The following TRMT61A variants were observed in gnomAD, a reference collection of about 807,000 sequenced individuals.
TRMT61A encodes tRNA (adenine(58)-N(1))-methyltransferase catalytic subunit TRMT61A.
Under a neutral mutation model 21.3 loss-of-function variants are expected in TRMT61A, and 15 were observed. The ratio of observed to expected loss-of-function variants is 0.70; its 90% CI spans 0.47 to 1.08. The LOEUF is 1.08. Ranked by LOEUF, TRMT61A falls within the 50% of genes least tolerant of loss-of-function variation. The pLI is 0.00. For synonymous variants in TRMT61A, 183 were observed against 185.5 expected (o/e 0.99, Z 0.11); for missense variants, 352 against 426.7 (o/e 0.83, Z 1.54).
At position 103,536,757 on chromosome 14, in the gene TRMT61A, C is replaced by T. The variant is rs2296484; in HGVS notation, c.*1936C>T. 42,189 of 152,168 alleles carry T rather than the reference C, an allele frequency of 0.28. 6,707 individuals are homozygous for T. The highest frequency in any genetic ancestry group is 0.45 in the Middle Eastern group (131 of 294). 9.4% of individuals were successfully genotyped at this position (152,168 alleles called of 1,614,324 possible). A position where few individuals can be genotyped will look rare whatever the true frequency, so the allele number is the denominator to read the frequency against. ...TATAGGACACATAGGCCTCAGGCAC[C>T]GTAGGGTCCAGGTTGTGCCCATTTT... On this transcript the variant is annotated 3_prime_UTR_variant, in exon 4 of 4. Transcript: ENST00000389749.
intron 2 of TRMT61A, 57 bp downstream of exon 2, chr14:103,530,366 A>T: frequency 7.6e-6 from 11 of 1,440,602 alleles, no homozygotes; most frequent in Non-Finnish European, 1.0e-5. Context: ...GGTGGAGGTC[A>T]GAGCCTCCAG....
At position 103,532,564 on chromosome 14, in the gene TRMT61A, C is replaced by G; in HGVS notation, c.332-18C>G. The G allele has an allele frequency of 6.2e-7, 1 of 1,613,100 alleles. No homozygotes were observed. On this transcript the variant is annotated intron_variant, in intron 2 of 3. Transcript: ENST00000389749. Reference sequence around the variant, plus strand: ...CAGTCCCAACTGATGCCTTGCCCATCCCTTCTTGTCCTGCCAGGCACCGGC... The same window carrying G: ...CAGTCCCAACTGATGCCTTGCCCATGCCTTCTTGTCCTGCCAGGCACCGGC...
intron 2 of TRMT61A, among the ~76,000 whole-genome samples, chr14:103,532,106 C>T (rs2075956576): frequency 6.6e-6 from 1 of 151,962 alleles, no homozygotes; most frequent in South Asian, 2.1e-4. Flanking sequence ...GACCAAGGAG[C>T]TTCTGGGGAG....
At chr14:103,532,496 G>C (rs2075957979) in intron 2 of TRMT61A, 86 bp from the exon 3 acceptor site, 1 of 1,545,976 alleles carries the variant, frequency 6.5e-7, no homozygotes, top group South Asian at 1.1e-5. Flanking sequence ...TGGGTCTCCA[G>C]GGTGAGGTGG....
In TRMT61A at chr14:103,534,708, G is replaced by C; in HGVS notation, c.757G>C (p.Gly253Arg). 1 of 1,606,988 alleles carries C rather than the reference G, an allele frequency of 6.2e-7. No homozygotes were observed. The change falls in exon 4 of 4, where the codon GGC becomes CGC. Residue 253 changes from glycine to arginine, a missense_variant. Physicochemically the swap from Gly to Arg is moderately radical, Grantham distance 125. Coordinates refer to ENST00000389749, the MANE Select transcript of TRMT61A (RefSeq NM_152307.3). ...VSLPPPDLGT[G>R]TDGPAGSDTS... ...CCTGCCACCGCCCGACCTGGGCACAGGCACAGATGGCCCTGCCGGCTCCGA... is the reference window on the plus strand; with the variant it reads ...CCTGCCACCGCCCGACCTGGGCACACGCACAGATGGCCCTGCCGGCTCCGA...
In TRMT61A at chr14:103,534,606, G is replaced by A. The variant is rs778750446; in HGVS notation, c.655G>A (p.Ala219Thr). Reference protein sequence around the residue: ...CIEQVQRTCQALAARGFSELS... With the variant: ...CIEQVQRTCQTLAARGFSELS... Reference sequence around the variant, plus strand: ...CGAGCAGGTGCAACGCACATGCCAGGCGCTGGCAGCGCGCGGCTTCTCAGA... The same window carrying A: ...CGAGCAGGTGCAACGCACATGCCAGACGCTGGCAGCGCGCGGCTTCTCAGA... Residue 219 changes from alanine (A) to threonine (T), a missense_variant, in exon 4 of 4, where the codon GCG becomes ACG. Coordinates refer to ENST00000389749, the MANE Select transcript of TRMT61A (RefSeq NM_152307.3). 6.9e-6 allele frequency: 11 copies of A among 1,603,520 alleles called. No homozygotes were observed. The highest frequency in any genetic ancestry group is 9.4e-6 in the Non-Finnish European group (11 of 1,173,632).
chr14:103,530,194 G>C lies in TRMT61A; in HGVS notation c.216G>C (p.Thr72=). 1 of 1,612,378 alleles carries C rather than the reference G, an allele frequency of 6.2e-7. No homozygotes were observed. ...RGGWVYVLHP[T]PELWTLNLPH... is the part of the protein sequence containing the mutation. ...GCTGGGTGTATGTGCTGCACCCCAC[G>C]CCCGAGCTCTGGACGCTGAACCTGC... The change falls in exon 2 of 4, where the codon ACG becomes ACC. Residue 72 remains threonine (T), a synonymous_variant. Coordinates refer to ENST00000389749, the MANE Select transcript of TRMT61A (RefSeq NM_152307.3).
At position 103,535,349 on chromosome 14, in the gene TRMT61A, G is replaced by A. The variant is rs1256433889; in HGVS notation, c.*528G>A. ...CAGAATCCCTGCCCTGCTCTCCCCA[G>A]CGCTAGGAGACCAGGCCAGCCCAGG... On this transcript the variant is annotated 3_prime_UTR_variant, in exon 4 of 4. Transcript: ENST00000389749. The A allele has an allele frequency of 4.4e-6, 2 of 456,544 alleles. No individual in the cohort carries two copies. Among genetic ancestry groups the A allele is most frequent in the Admixed American group, 2.4e-5 (1 of 42,518 alleles). The allele number at this position is 456,544 out of a possible 1,614,324, so 28.3% of individuals were successfully genotyped here. A position where few individuals can be genotyped will look rare whatever the true frequency, so the allele number is the denominator to read the frequency against.
rs1015959998 is a variant in TRMT61A at position 103,530,046 on chromosome 14, G to T, written c.68G>T (p.Gly23Val). The change falls in exon 2 of 4, where the codon GGT (glycine) becomes GTT (valine). Residue 23 changes from glycine to valine, a missense_variant. Physicochemically the swap from Gly to Val is moderately radical, Grantham distance 109. Coordinates refer to ENST00000389749, the MANE Select transcript of TRMT61A (RefSeq NM_152307.3). ...ACGGCCATCCTGTCACTGGGCCATG[G>T]TGCAATGGTGGCGGTGCGTGTGCAG... ...GDTAILSLGH[G>V]AMVAVRVQRG... is the part of the protein sequence containing the mutation. 6.2e-7 allele frequency: 1 copy of T among 1,612,940 alleles called. No homozygotes were observed. The highest frequency in any genetic ancestry group is 1.3e-5 in the African/African-American group (1 of 74,958).
chr14:103,534,820 A>AG lies in TRMT61A; in HGVS notation c.*4dup. ...ACCTTCGCCACCAAGACCCCAGGCTAGGGGGCCGCCTCCCAGGGCACCAGG... is the reference window on the plus strand; with the variant it reads ...ACCTTCGCCACCAAGACCCCAGGCTAGGGGGGCCGCCTCCCAGGGCACCAGG... The part of the protein sequence containing the change: ...YLTFATKTPG[*] Residue 290 remains the stop codon, a frameshift_variant and stop_retained_variant, in exon 4 of 4, where the codon TAG becomes TAGG. Transcript: ENST00000389749. LOFTEE classifies it high-confidence loss of function. 2 of 1,545,934 alleles carry AG rather than the reference A, an allele frequency of 1.3e-6. No homozygotes were observed. The highest frequency in any genetic ancestry group is 1.7e-6 in the Non-Finnish European group (2 of 1,148,614).
rs1374351698 is a variant in TRMT61A, at chr14:103,532,852, C to T, written c.598+4C>T. 7.8e-6 allele frequency: 12 copies of T among 1,543,068 alleles called. No homozygotes were observed. Among genetic ancestry groups the T allele is most frequent in the Non-Finnish European group, 9.6e-6 (11 of 1,141,308 alleles). ...TGGGACGCCCTCAAGGTCGAAGGTG[C>T]ATCCGGGGTTCCGGGAGAGGTACAG... On this transcript the variant is annotated splice_donor_region_variant and intron_variant, in intron 3 of 3. Coordinates refer to ENST00000389749, the MANE Select transcript of TRMT61A (RefSeq NM_152307.3).
At chr14:103,529,865 A>T (rs2075947522) in intron 1 of TRMT61A, 85 bp from the exon 2 acceptor site, 1 of 1,009,780 alleles carries the variant, frequency 9.9e-7, no homozygotes, top group Non-Finnish European at 1.4e-6. Flanking sequence ...CACTGCTGGG[A>T]TGTAGGCCTC....
At chr14:103,530,939 AC>A (rs2075952131) in intron 2 of TRMT61A, among the ~76,000 whole-genome samples, 1 of 152,200 alleles carries the variant, frequency 6.6e-6, no homozygotes, top group African/African-American at 2.4e-5. Flanking sequence ...GTCCAGGTTC[AC>A]GAAGAGTGCC....
chr14:103,534,605 G>C lies in TRMT61A; in HGVS notation c.654G>C (p.Gln218His). The C allele has an allele frequency of 6.2e-7, 1 of 1,603,332 alleles. No homozygotes were observed. The highest frequency in any genetic ancestry group is 8.5e-7 in the Non-Finnish European group (1 of 1,173,452). ...PCIEQVQRTC[Q>H]ALAARGFSEL... Reference sequence around the variant, plus strand: ...TCGAGCAGGTGCAACGCACATGCCAGGCGCTGGCAGCGCGCGGCTTCTCAG... The same window carrying C: ...TCGAGCAGGTGCAACGCACATGCCACGCGCTGGCAGCGCGCGGCTTCTCAG... Residue 218 changes from glutamine to histidine, a missense_variant, in exon 4 of 4, where the codon CAG becomes CAC. Transcript: ENST00000389749.
chr14:103,535,333 T>C lies in TRMT61A; in HGVS notation c.*512T>C, dbSNP rs781533290. The C allele has an allele frequency of 2.8e-5, 13 of 456,532 alleles. No homozygotes were observed. The highest frequency in any genetic ancestry group is 4.8e-5 in the Non-Finnish European group (11 of 227,086). The allele number at this position is 456,532 out of a possible 1,614,324, so 28.3% of individuals were successfully genotyped here. ...CTGGGGTGAGCTGACCCAGAATCCCTGCCCTGCTCTCCCCAGCGCTAGGAG... is the reference window on the plus strand; with the variant it reads ...CTGGGGTGAGCTGACCCAGAATCCCCGCCCTGCTCTCCCCAGCGCTAGGAG... On this transcript the variant is annotated 3_prime_UTR_variant, in exon 4 of 4. Transcript: ENST00000389749.
chr14:103,534,366 G>T (rs2075965471), intron 3 of TRMT61A, among the ~76,000 whole-genome samples, 184 bp from the exon 4 acceptor site: 1 of 152,228 alleles, frequency 6.6e-6, no homozygotes, highest in African/African-American at 2.4e-5. Context: ...GCCCCATGGG[G>T]GGCTGTCAGT....
intron 3 of TRMT61A, among the ~76,000 whole-genome samples, chr14:103,533,871 A>T (rs545049230): frequency 1.0e-3 from 152 of 152,042 alleles, no homozygotes; most frequent in African/African-American, 3.6e-3. Context: ...CTAACCCCGA[A>T]CCTCCTGGCG....
chr14:103,533,687 C>T (rs1351133313), intron 3 of TRMT61A, among the ~76,000 whole-genome samples: 2 of 152,234 alleles, frequency 1.3e-5, no homozygotes, highest in Non-Finnish European at 2.9e-5. Context: ...GGAACCCGCG[C>T]CTGCCTCTGG....
chr14:103,535,512 C>A lies in TRMT61A; in HGVS notation c.*691C>A. 5.5e-6 allele frequency: 2 copies of A among 362,476 alleles called. No homozygotes were observed. Among genetic ancestry groups the A allele is most frequent in the South Asian group, 2.0e-5 (1 of 49,050 alleles). 22.5% of individuals were successfully genotyped at this position (362,476 alleles called of 1,614,324 possible). A position where few individuals can be genotyped will look rare whatever the true frequency, so the allele number is the denominator to read the frequency against. On this transcript the variant is annotated 3_prime_UTR_variant, in exon 4 of 4. Coordinates refer to ENST00000389749, the MANE Select transcript of TRMT61A (RefSeq NM_152307.3). ...GAGCCCCTGACATGGGCTGCACTCG[C>A]TGAGGCCAGGCAGCGCTGCGGAGAG...
Sources: gnomAD v4.1 joint callset for allele counts (sites outside exome capture counted in the v4.1 genomes callset) on GRCh38, gnomAD v4.1.1 for gene constraint, MANE v1.5 for transcripts, NCBI Gene and HGNC (gene_info 2026-07-23, HGNC 2026-07-21) for gene names.